The following BLTP1 variants were observed in gnomAD, a reference collection of about 807,000 sequenced individuals.
The protein encoded by BLTP1 is fragile site-associated protein.
At chr4:122,351,894 G>A in the BLTP1 span, among the ~76,000 whole-genome samples, 1 of 152,116 alleles carries the variant, frequency 6.6e-6, no homozygotes, top group Non-Finnish European at 1.5e-5. Flanking sequence ...TTGGATTATG[G>A]GTGAGAGGTA....
chr4:122,188,911 C>T, the BLTP1 span: 1 of 984,202 alleles, frequency 1.0e-6, no homozygotes, highest in Non-Finnish European at 1.2e-6. Context: ...ATTCGATTTT[C>T]CAGGATTTGG....
chr4:122,227,095 C>A, the BLTP1 span: 1 of 580,026 alleles, frequency 1.7e-6, no homozygotes, highest in Non-Finnish European at 2.3e-6. Context: ...TGTTAACATT[C>A]ATGTCATATT....
the BLTP1 span, chr4:122,263,567 G>T: frequency 6.2e-7 from 1 of 1,611,962 alleles, no homozygotes; most frequent in Non-Finnish European, 8.5e-7. Flanking sequence ...AGAATCTCCT[G>T]TTACAAAATC....
At chr4:122,328,606 A>C in the BLTP1 span, 1 of 968,572 alleles carries the variant, frequency 1.0e-6, no homozygotes. Context: ...TTAATTATCT[A>C]AAATAAAATG....
the BLTP1 span, chr4:122,201,144 A>G: frequency 1.3e-6 from 2 of 1,577,906 alleles, no homozygotes; most frequent in South Asian, 2.3e-5. Context: ...TCTAATAGAT[A>G]TAAATACAGT....
At chr4:122,341,401 A>C in the BLTP1 span, among the ~76,000 whole-genome samples, 42 of 152,106 alleles carry the variant, frequency 2.8e-4, no homozygotes, top group African/African-American at 9.9e-4. Flanking sequence ...CTATTACTTT[A>C]TTAGCTATTT....
chr4:122,174,976 A>G, the BLTP1 span: 1 of 879,202 alleles, frequency 1.1e-6, no homozygotes, highest in Non-Finnish European at 1.4e-6. Context: ...AGGTTTAGAG[A>G]TGTTGGTCTG....
At chr4:122,312,692 C>A in the BLTP1 span, 1 of 238,172 alleles carries the variant, frequency 4.2e-6, no homozygotes, top group Non-Finnish European at 6.8e-6. Flanking sequence ...ACAAGTAGAT[C>A]CTCTCTCACA....
At chr4:122,276,501 A>C in the BLTP1 span, 27 of 982,460 alleles carry the variant, frequency 2.7e-5, no homozygotes, top group African/African-American at 3.5e-5. Context: ...CCTTTACTAT[A>C]TGTAAATATG....
At chr4:122,249,121 T>C in the BLTP1 span, 2 of 841,264 alleles carry the variant, frequency 2.4e-6, no homozygotes, top group Non-Finnish European at 2.9e-6. Context: ...ATAATGTTTT[T>C]CCTAAGGCTT....
At chr4:122,325,991 T>C in the BLTP1 span, 3,041 of 397,088 alleles carry the variant, frequency 7.7e-3, 27 homozygotes, top group Non-Finnish European at 0.011. Flanking sequence ...TCAAAATATC[T>C]TCCTCTCATT....
the BLTP1 span, among the ~76,000 whole-genome samples, chr4:122,357,714 A>G: frequency 2.0e-5 from 3 of 152,344 alleles, no homozygotes; most frequent in African/African-American, 4.8e-5. Context: ...TATTCATTCA[A>G]TATTTATTGC....
the BLTP1 span, among the ~76,000 whole-genome samples, chr4:122,253,637 C>G: frequency 5.6e-4 from 85 of 152,118 alleles, no homozygotes; most frequent in Non-Finnish European, 9.4e-4. Flanking sequence ...AAGAACGAAG[C>G]ATGCCTACAA....
the BLTP1 span, among the ~76,000 whole-genome samples, chr4:122,321,479 C>T: frequency 1.9e-5 from 2 of 107,080 alleles, no homozygotes; most frequent in Admixed American, 1.2e-4. Context: ...CATATACATG[C>T]GATTTATATA....
chr4:122,287,596 GT>G, the BLTP1 span: 1 of 985,122 alleles, frequency 1.0e-6, no homozygotes, highest in Non-Finnish European at 1.2e-6. Context: ...AAAAAGCAAT[GT>G]GCTATTTGTT....
chr4:122,324,307 T>C, the BLTP1 span: 4 of 1,002,222 alleles, frequency 4.0e-6, no homozygotes, highest in South Asian at 9.2e-5. Flanking sequence ...TATTGTTAAG[T>C]AACATTAAAG....
the BLTP1 span, among the ~76,000 whole-genome samples, chr4:122,311,748 A>C: frequency 7.2e-5 from 11 of 152,202 alleles, no homozygotes; most frequent in Non-Finnish European, 1.5e-4. Context: ...GTGTATTCAG[A>C]CAAAATAAAC....
chr4:122,306,002 G>A, the BLTP1 span: 1 of 1,611,176 alleles, frequency 6.2e-7, no homozygotes, highest in Non-Finnish European at 8.5e-7. Context: ...TTATTACTTT[G>A]AATAGACCAA....
the BLTP1 span, chr4:122,244,985 A>G: frequency 6.2e-7 from 1 of 1,600,902 alleles, no homozygotes; most frequent in Non-Finnish European, 8.5e-7. Context: ...AATCAACGAC[A>G]TTTAAATATT....
Sources: allele counts gnomAD v4.1 joint callset (sites outside exome capture counted in the v4.1 genomes callset), GRCh38; gene constraint gnomAD v4.1.1; transcripts MANE v1.5; gene names NCBI Gene and HGNC (gene_info 2026-07-23, HGNC 2026-07-21).